The following MAP3K15 variants were observed in gnomAD, a reference collection of about 807,000 sequenced individuals.
MAP3K15 encodes mitogen-activated protein kinase kinase kinase 15, also known as MAPK/ERK kinase kinase 15.
MAP3K15 carries 124 observed loss-of-function variants against 99.5 expected under a neutral mutation model. The observed-to-expected ratio is 1.25, with a 90% CI of 1.08 to 1.45. The LOEUF is 1.45. Ranked by LOEUF, MAP3K15 falls within the 40% of genes most tolerant of loss-of-function variation. MAP3K15 has a pLI of 0.00. For missense variants in MAP3K15, 1,242 were observed against 1,079.7 expected (o/e 1.15, Z -2.11); for synonymous variants, 494 against 439.6 (o/e 1.12, Z -1.55).
intron 1 of MAP3K15, among the ~76,000 whole-genome samples, chrX:19,513,437 T>G (rs1176757988): frequency 8.9e-6 from 1 of 111,860 alleles, no homozygotes; most frequent in Non-Finnish European, 1.9e-5. Flanking sequence ...CTAGGTGAAG[T>G]GGACTCCTGA....
At chrX:19,361,266 G>A in intron 28 of MAP3K15, 73 bp downstream of exon 28, 1 of 914,816 alleles carries the variant, frequency 1.1e-6, no homozygotes. Flanking sequence ...CCAGCCCTTT[G>A]TTTTCTGCTC....
intron 18 of MAP3K15, among the ~76,000 whole-genome samples, chrX:19,384,709 C>T (rs1179630053): frequency 2.0e-5 from 2 of 98,256 alleles, no homozygotes; most frequent in Non-Finnish European, 4.0e-5. Context: ...CGCCACTGCC[C>T]TCCAGCCTGG....
intron 18 of MAP3K15, among the ~76,000 whole-genome samples, chrX:19,389,301 T>TAAA (rs34025622): frequency 4.8e-5 from 3 of 62,849 alleles, no homozygotes; most frequent in Non-Finnish European, 6.4e-5. Flanking sequence ...ATAAGGCTGC[T>TAAA]AAAAAAAAAA....
intron 5 of MAP3K15, among the ~76,000 whole-genome samples, chrX:19,459,710 C>A (rs952949536): frequency 9.8e-5 from 11 of 111,680 alleles, no homozygotes; most frequent in Admixed American, 3.8e-4. Flanking sequence ...GTTATCTGGG[C>A]ATGGTGGCGC....
intron 14 of MAP3K15, among the ~76,000 whole-genome samples, chrX:19,399,377 A>G (rs888397967): frequency 2.7e-5 from 3 of 111,592 alleles, no homozygotes; most frequent in Admixed American, 9.5e-5. Flanking sequence ...AGCCTGGCCA[A>G]CATGGTGAAA....
intron 4 of MAP3K15, among the ~76,000 whole-genome samples, chrX:19,463,197 G>C (rs1050072679): frequency 4.5e-5 from 5 of 112,202 alleles, no homozygotes; most frequent in African/African-American, 1.6e-4. Context: ...TTGGCATGTG[G>C]TCACACATGT....
intron 2 of MAP3K15, among the ~76,000 whole-genome samples, chrX:19,487,369 C>T (rs1452813482): frequency 9.1e-6 from 1 of 110,312 alleles, no homozygotes; most frequent in Non-Finnish European, 1.9e-5. Context: ...AGAAACTGTC[C>T]TAAATTGAAA....
Position 19,395,009 on chromosome X carries a change from G to T in MAP3K15, c.2194+72C>A, listed in dbSNP as rs1171815262. 6.2e-6 allele frequency: 7 copies of T among 1,126,811 alleles called. No homozygotes were observed. The East Asian group carries it at 2.3e-4, about 37-fold the overall frequency. The allele number at this position is 1,126,811 out of a possible 1,213,427, so 92.9% of individuals were successfully genotyped here. A position where few individuals can be genotyped will look rare whatever the true frequency, so the allele number is the denominator to read the frequency against. ...CTTAGGGGTCTGTCATTTTGTAAAT[G>T]GCAGGACAACAAATGACATCCACGT... On this transcript the variant is annotated intron_variant, in intron 16 of 28. Coordinates refer to ENST00000338883, the MANE Select transcript of MAP3K15 (RefSeq NM_001001671.4).
At chrX:19,457,580 C>T (rs2064102931) in intron 5 of MAP3K15, among the ~76,000 whole-genome samples, 1 of 111,701 alleles carries the variant, frequency 9.0e-6, no homozygotes, top group South Asian at 3.8e-4. Context: ...CCACTGCATT[C>T]CAGGCTGGGC....
intron 1 of MAP3K15, among the ~76,000 whole-genome samples, chrX:19,499,280 T>C (rs2064426447): frequency 1.8e-5 from 2 of 111,970 alleles, no homozygotes; most frequent in African/African-American, 6.5e-5. Flanking sequence ...GGTAATACAG[T>C]GTTGGTGACG....
chrX:19,407,409 C>CA (rs2063656092), intron 12 of MAP3K15, 126 bp from the exon 13 acceptor site: 1 of 383,005 alleles, frequency 2.6e-6, no homozygotes, highest in Admixed American at 5.6e-5. Flanking sequence ...CAAACACCCC[C>CA]CGAGTCTGCC....
chrX:19,434,200 TTC>T (rs1465669804), intron 6 of MAP3K15, among the ~76,000 whole-genome samples: 1 of 110,192 alleles, frequency 9.1e-6, no homozygotes, highest in Non-Finnish European at 1.9e-5. Context: ...GAATAAATTA[TTC>T]TTTTTAATTT....
chrX:19,510,672 T>C (rs1012795001), intron 1 of MAP3K15, among the ~76,000 whole-genome samples: 4 of 112,057 alleles, frequency 3.6e-5, no homozygotes, highest in African/African-American at 1.3e-4. Context: ...CTATTCAACA[T>C]AGTGTTGGAA....
chrX:19,392,769 A>G (rs1284784613), intron 16 of MAP3K15, among the ~76,000 whole-genome samples: 28 of 111,647 alleles, frequency 2.5e-4, no homozygotes, highest in Non-Finnish European at 1.9e-5. Context: ...TGAAGTTAGG[A>G]GGAGAGCGAA....
Position 19,460,147 on chromosome X carries a change from A to C in MAP3K15, c.726T>G (p.Tyr242Ter), listed in dbSNP as rs1192346604. The C allele has an allele frequency of 1.7e-6, 2 of 1,176,239 alleles. No homozygotes were observed. Among genetic ancestry groups the C allele is most frequent in the East Asian group, 3.0e-5 (1 of 33,438 alleles). ...TGTCATTTAACAAGGTTTCTTTGTA[A>C]TAAACACTATAGAAAGAAAAACACA... ...LKDIHVTSCVYYKETLLNDIR... is the reference protein window; with the variant it reads ...LKDIHVTSCV The change falls in exon 5 of 29, where the codon TAT becomes TAG. Residue 242 changes from tyrosine (Y) to a stop codon, truncating the protein, a stop_gained. Coordinates refer to ENST00000338883, the MANE Select transcript of MAP3K15 (RefSeq NM_001001671.4). LOFTEE classifies it high-confidence loss of function.
chrX:19,399,521 G>T (rs764990997), intron 14 of MAP3K15, among the ~76,000 whole-genome samples: 1 of 107,884 alleles, frequency 9.3e-6, no homozygotes, highest in Non-Finnish European at 1.9e-5. Context: ...CCAAGATCAC[G>T]CCACTGCACT....
At chrX:19,419,650 G>C (rs1160436254) in intron 9 of MAP3K15, among the ~76,000 whole-genome samples, 2 of 111,088 alleles carry the variant, frequency 1.8e-5, no homozygotes, top group Non-Finnish European at 3.8e-5. Context: ...AGTTAACAAG[G>C]ATATCCAGGA....
chrX:19,365,345 G>A (rs1410402612), intron 25 of MAP3K15, among the ~76,000 whole-genome samples: 1 of 112,387 alleles, frequency 8.9e-6, no homozygotes, highest in African/African-American at 3.2e-5. Flanking sequence ...TAGACAGACA[G>A]GCCTTGCTGG....
At position 19,372,660 on chromosome X, in the gene MAP3K15, A is replaced by G. The variant is rs771448855; in HGVS notation, c.3101T>C (p.Val1034Ala). 4.1e-6 allele frequency: 5 copies of G among 1,205,451 alleles called. No individual in the cohort carries two copies. Among genetic ancestry groups the G allele is most frequent in the Admixed American group, 2.2e-5 (1 of 45,546 alleles). The change falls in exon 22 of 29, where the codon GTG (valine) becomes GCG (alanine). Residue 1034 changes from valine to alanine, a missense_variant. By Grantham distance (64) the Val-to-Ala change is moderately conservative. Coordinates refer to ENST00000338883, the MANE Select transcript of MAP3K15 (RefSeq NM_001001671.4). The part of the protein sequence containing the change: ...NQVASNLQEC[V>A]AQSSEELHLS... ...CCTCCCTCGGGCAAATACCTGGGCC[A>G]CACACTCCTGCAGGTTGGAAGCCAC...
Sources: allele counts gnomAD v4.1 joint callset (sites outside exome capture counted in the v4.1 genomes callset), GRCh38; gene constraint gnomAD v4.1.1; transcripts MANE v1.5; gene names NCBI Gene and HGNC (gene_info 2026-07-23, HGNC 2026-07-21).